The following TRIM33 variants were observed in gnomAD, a reference collection of about 807,000 sequenced individuals.
The protein encoded by TRIM33 is tripartite motif containing 33.
In TRIM33, 20 loss-of-function variants were observed where a neutral mutation model predicts 125.4. The observed-to-expected ratio is 0.16, with a 90% CI of 0.11 to 0.23. TRIM33 has a LOEUF of 0.23. TRIM33 is among the 10% of genes least tolerant of loss of function. The pLI, the probability that TRIM33 is intolerant of heterozygous loss-of-function variation, is 1.00. For missense variants in TRIM33, 920 were observed against 1,411.4 expected (o/e 0.65, Z 5.58); for synonymous variants, 564 against 513.9 (o/e 1.10, Z -1.32).
chr1:114,396,143 C>T lies in TRIM33; in HGVS notation c.*1505G>A. Reference sequence around the variant, plus strand: ...CTCTGAATATTCTAATGTGTCCATACAAAAGTAGGACTAAAATCTTTAATC... The same window carrying T: ...CTCTGAATATTCTAATGTGTCCATATAAAAGTAGGACTAAAATCTTTAATC... On this transcript the variant is annotated 3_prime_UTR_variant, in exon 20 of 20. Transcript: ENST00000358465. The T allele has an allele frequency of 5.0e-6, 1 of 201,308 alleles. No individual in the cohort carries two copies. The highest frequency in any genetic ancestry group is 1.0e-5 in the Non-Finnish European group (1 of 97,530). The allele number at this position is 201,308 out of a possible 1,614,324, so 12.5% of individuals were successfully genotyped here.
intron 4 of TRIM33, among the ~76,000 whole-genome samples, chr1:114,438,299 T>G (rs917358645): frequency 6.6e-6 from 1 of 152,226 alleles, no homozygotes; most frequent in Non-Finnish European, 1.5e-5. Context: ...ACCTTTTTAA[T>G]AAAACCCAGT....
chr1:114,459,582 C>T (rs1436144433), intron 4 of TRIM33, among the ~76,000 whole-genome samples: 1 of 151,992 alleles, frequency 6.6e-6, no homozygotes, highest in East Asian at 1.9e-4. Flanking sequence ...CCAGCCTGGG[C>T]GACATAGCAA....
In TRIM33 at chr1:114,400,255, G is replaced by A. The variant is rs145484827; in HGVS notation, c.2968-646C>T. ...CTTGCTCTGTCGCCCAGGCTGGAGT[G>A]CAGTGGTGCAGTGGCGCCAACTGTG... On this transcript the variant is annotated intron_variant, in intron 17 of 19. Coordinates refer to ENST00000358465, the MANE Select transcript of TRIM33 (RefSeq NM_015906.4). Among the ~76,000 whole-genome samples, 360 of 152,318 alleles carry A rather than the reference G, an allele frequency of 2.4e-3. 1 individual carries two copies. Among genetic ancestry groups the A allele is most frequent in the African/African-American group, 8.3e-3 (347 of 41,566 alleles).
intron 11 of TRIM33, among the ~76,000 whole-genome samples, chr1:114,414,835 T>C (rs1490986803): frequency 6.6e-5 from 10 of 152,038 alleles, no homozygotes. Context: ...AAAAGCGTAA[T>C]AGTGGTCCTT....
intron 5 of TRIM33, among the ~76,000 whole-genome samples, chr1:114,432,947 T>C (rs940036301): frequency 1.3e-5 from 2 of 152,224 alleles, no homozygotes; most frequent in African/African-American, 2.4e-5. Context: ...TAAACACATA[T>C]TAACCTTATT....
At chr1:114,423,987 A>T (rs1426729479) in intron 10 of TRIM33, among the ~76,000 whole-genome samples, 1 of 152,090 alleles carries the variant, frequency 6.6e-6, no homozygotes. Context: ...TAAAAAATAA[A>T]CTCTATTATA....
Position 114,395,793 on chromosome 1 carries a change from A to G in TRIM33, c.*1855T>C, listed in dbSNP as rs1651513107. ...AAGAAAAGTGAAAAGGAAGCCAGGA[A>G]TAAAGTAAATCAATAGTAATAATAA... On this transcript the variant is annotated 3_prime_UTR_variant, in exon 20 of 20. Coordinates refer to ENST00000358465, the MANE Select transcript of TRIM33 (RefSeq NM_015906.4). The G allele has an allele frequency of 5.3e-6, 1 of 190,068 alleles. No homozygotes were observed. Among genetic ancestry groups the G allele is most frequent in the Admixed American group, 6.2e-5 (1 of 16,246 alleles). 11.8% of individuals were successfully genotyped at this position (190,068 alleles called of 1,614,324 possible).
At position 114,397,585 on chromosome 1, in the gene TRIM33, T is replaced by G. The variant is rs1651606801; in HGVS notation, c.*63A>C. The G allele has an allele frequency of 8.0e-7, 1 of 1,245,092 alleles. No individual in the cohort carries two copies. Among genetic ancestry groups the G allele is most frequent in the South Asian group, 1.4e-5 (1 of 72,316 alleles). The allele number at this position is 1,245,092 out of a possible 1,614,324, so 77.1% of individuals were successfully genotyped here. On this transcript the variant is annotated 3_prime_UTR_variant, in exon 20 of 20. Coordinates refer to ENST00000358465, the MANE Select transcript of TRIM33 (RefSeq NM_015906.4). ...AACACTTAAAAGTTTTCTGGGTTTT[T>G]TGTGTTTTTTTTTTTTTTTTCGTTT...
chr1:114,458,851 A>G (rs1397320329), intron 4 of TRIM33, among the ~76,000 whole-genome samples: 3 of 152,180 alleles, frequency 2.0e-5, no homozygotes, highest in African/African-American at 7.2e-5. Flanking sequence ...CGTTAGCAAA[A>G]TAACCCTGGC....
chr1:114,499,380 G>A (rs1178432580), intron 1 of TRIM33, among the ~76,000 whole-genome samples: 2 of 150,980 alleles, frequency 1.3e-5, no homozygotes, highest in Non-Finnish European at 2.9e-5. Flanking sequence ...GGGTGCATAA[G>A]CAAAGAACAG....
At chr1:114,505,711 G>A (rs1220547898) in intron 1 of TRIM33, among the ~76,000 whole-genome samples, 1 of 152,166 alleles carries the variant, frequency 6.6e-6, no homozygotes, top group Non-Finnish European at 1.5e-5. Context: ...GGGATTACAG[G>A]TGCCTGCCAC....
intron 4 of TRIM33, among the ~76,000 whole-genome samples, chr1:114,462,450 T>C (rs1395543256): frequency 2.0e-5 from 3 of 152,224 alleles, no homozygotes; most frequent in Non-Finnish European, 4.4e-5. Context: ...AAAAACACTT[T>C]GGAAAATTCT....
chr1:114,418,158 A>T (rs2101132186), intron 11 of TRIM33, among the ~76,000 whole-genome samples: 1 of 152,346 alleles, frequency 6.6e-6, no homozygotes, highest in East Asian at 1.9e-4. Flanking sequence ...AAGGGGAAGC[A>T]GGCACCTTCA....
chr1:114,471,819 A>T (rs1650673794), intron 1 of TRIM33, among the ~76,000 whole-genome samples: 1 of 152,196 alleles, frequency 6.6e-6, no homozygotes, highest in Non-Finnish European at 1.5e-5. Context: ...CAAAAGGTAA[A>T]ACAAAAATGG....
intron 11 of TRIM33, among the ~76,000 whole-genome samples, chr1:114,416,691 C>T (rs1019870882): frequency 1.3e-5 from 2 of 152,200 alleles, no homozygotes; most frequent in Non-Finnish European, 2.9e-5. Flanking sequence ...TTCACCTCTA[C>T]ATTTGAGTCT....
chr1:114,444,745 A>C (rs1460858557), intron 4 of TRIM33, among the ~76,000 whole-genome samples: 1 of 152,238 alleles, frequency 6.6e-6, no homozygotes, highest in African/African-American at 2.4e-5. Flanking sequence ...TAGAATTTCT[A>C]CAGTGTATTG....
intron 13 of TRIM33, among the ~76,000 whole-genome samples, chr1:114,407,817 A>G (rs1652342063): frequency 6.6e-6 from 1 of 152,208 alleles, no homozygotes. Flanking sequence ...CATTACCACA[A>G]AAGCAGGGAA....
At chr1:114,420,979 C>T (rs1336585690) in intron 11 of TRIM33, among the ~76,000 whole-genome samples, 1 of 152,030 alleles carries the variant, frequency 6.6e-6, no homozygotes, top group Non-Finnish European at 1.5e-5. Flanking sequence ...ATCTAAATGT[C>T]CATCAATGGA....
chr1:114,429,933 T>C (rs1647835249), intron 6 of TRIM33, among the ~76,000 whole-genome samples: 2 of 152,246 alleles, frequency 1.3e-5, no homozygotes, highest in Admixed American at 6.5e-5. Context: ...TTAGATTTCA[T>C]GAACTGACTA....
Sources: gnomAD v4.1 joint callset for allele counts (sites outside exome capture counted in the v4.1 genomes callset) on GRCh38, gnomAD v4.1.1 for gene constraint, MANE v1.5 for transcripts, NCBI Gene and HGNC (gene_info 2026-07-23, HGNC 2026-07-21) for gene names.